Variants in GARRE1 observed in about 807,000 individuals in gnomAD.
The protein encoded by GARRE1 is granule associated Rac and RHOG effector 1, also known as granule associated Rac and RHOG effector protein 1.
GARRE1 carries 49 observed loss-of-function variants against 103.2 expected under a neutral mutation model. The observed-to-expected ratio is 0.47, with a 90% CI of 0.38 to 0.60. The LOEUF (loss-of-function observed/expected upper bound fraction) is 0.60. GARRE1 is among the 20% of genes least tolerant of loss of function. GARRE1 has a pLI of 0.00. For missense variants in GARRE1, 1,199 were observed against 1,370.5 expected (o/e 0.87, Z 1.98); for synonymous variants, 505 against 532.8 (o/e 0.95, Z 0.72).
intron 1 of GARRE1, among the ~76,000 whole-genome samples, chr19:34,285,660 T>C (rs1226150934): frequency 1.3e-5 from 2 of 152,080 alleles, no homozygotes; most frequent in African/African-American, 2.4e-5. Context: ...CTTGAATGTA[T>C]TTCAGTTCCA....
At chr19:34,318,163 T>A (rs1415814184) in intron 2 of GARRE1, among the ~76,000 whole-genome samples, 1 of 152,200 alleles carries the variant, frequency 6.6e-6, no homozygotes, top group Non-Finnish European at 1.5e-5. Context: ...AGTGTCTTGC[T>A]GGGAACTGGC....
At chr19:34,261,112 C>G (rs769723220) in intron 1 of GARRE1, among the ~76,000 whole-genome samples, 8 of 152,170 alleles carry the variant, frequency 5.3e-5, no homozygotes, top group Non-Finnish European at 8.8e-5. Context: ...CGTCTGTCCT[C>G]CCAGTACCAT....
intron 1 of GARRE1, 49 bp from the exon 2 acceptor site, chr19:34,299,630 C>G (rs2073966129): frequency 6.6e-6 from 1 of 152,128 alleles, no homozygotes; most frequent in Admixed American, 6.5e-5. Context: ...AGTTATTGTC[C>G]AGAATTACTG....
chr19:34,345,533 T>C (rs977327796), intron 10 of GARRE1, among the ~76,000 whole-genome samples: 6 of 152,150 alleles, frequency 3.9e-5, no homozygotes, highest in African/African-American at 9.7e-5. Context: ...TTGTGTCATA[T>C]TTGAGGCCGG....
rs111799026 is a variant in GARRE1 at position 34,293,605 on chromosome 19, C to T, written c.-795-6074C>T. On this transcript the variant is annotated intron_variant, in intron 1 of 13. Coordinates refer to ENST00000299505, the MANE Select transcript of GARRE1 (RefSeq NM_014686.5). ...AGAGACAGGGTTTCGCCATGTTGCC[C>T]AGGCTGGTTGAACTTCTGGGCTCAA... 8.1e-3 allele frequency among the ~76,000 whole-genome samples: 1,226 copies of T among 151,222 alleles called. 9 individuals are homozygous for T. Among genetic ancestry groups the T allele is most frequent in the African/African-American group, 0.028 (1,142 of 41,096 alleles).
chr19:34,349,278 T>C (rs2074226341), intron 12 of GARRE1, 125 bp downstream of exon 12: 1 of 934,562 alleles, frequency 1.1e-6, no homozygotes, highest in Admixed American at 2.3e-5. Flanking sequence ...GAGGGGCTCT[T>C]CCAGCAATGC....
At chr19:34,335,008 A>T (rs1175227510) in intron 8 of GARRE1, among the ~76,000 whole-genome samples, 1 of 151,716 alleles carries the variant, frequency 6.6e-6, no homozygotes, top group African/African-American at 2.4e-5. Context: ...GTGCCACTGC[A>T]CTCCAGCCTG....
At chr19:34,346,264 G>GT (rs1389897444) in intron 10 of GARRE1, among the ~76,000 whole-genome samples, 2 of 151,882 alleles carry the variant, frequency 1.3e-5, no homozygotes, top group Non-Finnish European at 1.5e-5. Flanking sequence ...CCTGCCATAT[G>GT]TTTTTTTTGA....
intron 3 of GARRE1, among the ~76,000 whole-genome samples, chr19:34,325,586 C>T (rs906644718): frequency 6.6e-6 from 1 of 152,248 alleles, no homozygotes; most frequent in African/African-American, 2.4e-5. Context: ...CCTTCTTCCA[C>T]GTCCTTCATC....
Position 34,300,816 on chromosome 19 carries a change from ACACAG to A in GARRE1, c.345_349del (p.Leu117ArgfsTer20). ...GAACTCTCACTACTCAAAGGCAGCC[ACACAG>A]CTCAAAGATGTGCAGGAGCATGTCA... is the stretch of plus-strand genomic sequence containing the variant. On this transcript the variant is annotated frameshift_variant, in exon 2 of 14. Coordinates refer to ENST00000299505, the MANE Select transcript of GARRE1 (RefSeq NM_014686.5). LOFTEE classifies it high-confidence loss of function. 1 of 1,614,234 alleles carries A rather than the reference ACACAG, an allele frequency of 6.2e-7. No individual in the cohort carries two copies. Among genetic ancestry groups the A allele is most frequent in the Non-Finnish European group, 8.5e-7 (1 of 1,180,038 alleles).
chr19:34,318,421 G>A (rs1422442526), intron 2 of GARRE1, among the ~76,000 whole-genome samples: 1 of 152,240 alleles, frequency 6.6e-6, no homozygotes, highest in Admixed American at 6.5e-5. Context: ...ATAGTTCCCT[G>A]ACCTTCACCA....
chr19:34,341,486 G>A lies in GARRE1; in HGVS notation c.1552G>A (p.Ala518Thr). The A allele has an allele frequency of 6.2e-7, 1 of 1,613,782 alleles. No individual in the cohort carries two copies. Among genetic ancestry groups the A allele is most frequent in the South Asian group, 1.1e-5 (1 of 91,062 alleles). ...GGAGATCTGTGATTTTGGCAACCAGGCTGACCTGCCTTCTGGAAATGGAAA... is the reference window on the plus strand; with the variant it reads ...GGAGATCTGTGATTTTGGCAACCAGACTGACCTGCCTTCTGGAAATGGAAA... ...QREICDFGNQ[A>T]DLPSGNGNKS... is the part of the protein sequence containing the mutation. Residue 518 changes from alanine (A) to threonine (T), a missense_variant, in exon 10 of 14, where the codon GCT becomes ACT. Transcript: ENST00000299505.
At chr19:34,339,510 G>A (rs1033377408) in intron 8 of GARRE1, among the ~76,000 whole-genome samples, 5 of 152,140 alleles carry the variant, frequency 3.3e-5, no homozygotes, top group African/African-American at 1.2e-4. Flanking sequence ...CTCAGAACCC[G>A]ATGGTCTGAT....
rs571854887 is a variant in GARRE1 at position 34,297,437 on chromosome 19, G to A, written c.-795-2242G>A. Among the ~76,000 whole-genome samples, 20 of 152,288 alleles carry A rather than the reference G, an allele frequency of 1.3e-4. No individual in the cohort carries two copies. In the South Asian group the frequency reaches 3.7e-3, roughly 28 times the overall value. Reference sequence around the variant, plus strand: ...TTTAATGTTTGTGGTTTTTTAATTAGGTAAGCATATAGGTCTCACTTGGTC... The same window carrying A: ...TTTAATGTTTGTGGTTTTTTAATTAAGTAAGCATATAGGTCTCACTTGGTC... On this transcript the variant is annotated intron_variant, in intron 1 of 13. Transcript: ENST00000299505.
At chr19:34,307,799 A>AT (rs1372965326) in intron 2 of GARRE1, among the ~76,000 whole-genome samples, 2,351 of 118,488 alleles carry the variant, frequency 0.02, 71 homozygotes, top group Non-Finnish European at 0.022. Context: ...CTATAAAAAA[A>AT]AAATATATAT....
intron 1 of GARRE1, among the ~76,000 whole-genome samples, chr19:34,271,562 T>C (rs1362930314): frequency 1.3e-5 from 2 of 152,106 alleles, no homozygotes; most frequent in African/African-American, 2.4e-5. Context: ...CTGTGCACTT[T>C]CATTGAAAGA....
At chr19:34,320,816 G>A (rs1490671712) in intron 3 of GARRE1, among the ~76,000 whole-genome samples, 1 of 150,950 alleles carries the variant, frequency 6.6e-6, no homozygotes, top group African/African-American at 2.4e-5. Context: ...GTACCTCCGG[G>A]CTCAAGAGAT....
intron 1 of GARRE1, among the ~76,000 whole-genome samples, chr19:34,268,894 C>T (rs1199817431): frequency 2.0e-5 from 3 of 152,148 alleles, no homozygotes; most frequent in African/African-American, 7.2e-5. Context: ...AAAAAAGTTA[C>T]GCATTGATCT....
chr19:34,311,778 T>C (rs1360885345), intron 2 of GARRE1, among the ~76,000 whole-genome samples: 2 of 151,612 alleles, frequency 1.3e-5, no homozygotes, highest in Non-Finnish European at 2.9e-5. Context: ...ACCCAGCTAA[T>C]TTTTGCATTT....
Sources: gnomAD v4.1 joint callset for allele counts (sites outside exome capture counted in the v4.1 genomes callset) on GRCh38, gnomAD v4.1.1 for gene constraint, MANE v1.5 for transcripts, NCBI Gene and HGNC (gene_info 2026-07-23, HGNC 2026-07-21) for gene names.